TRIM39: variants seen among roughly 807,000 people sequenced by gnomAD.
TRIM39 encodes the protein E3 ubiquitin-protein ligase TRIM39.
Under a neutral mutation model 53.6 loss-of-function variants are expected in TRIM39, and 5 were observed. That is an observed-to-expected ratio of 0.09 (90% confidence interval 0.05 to 0.20). The LOEUF is 0.20. TRIM39 is among the 10% of genes least tolerant of loss of function. The pLI is 1.00. For missense variants in TRIM39, 310 were observed against 621.0 expected (o/e 0.50, Z 5.32); for synonymous variants, 196 against 237.6 (o/e 0.82, Z 1.61).
chr6:30,338,882 C>T lies in TRIM39; in HGVS notation c.781-1026C>T, dbSNP rs977447892. On this transcript the variant is annotated intron_variant, in intron 5 of 7. Coordinates refer to ENST00000396551, the Ensembl canonical transcript of TRIM39. This position sits in a 1 kb window ranked among gnomAD's most constrained non-coding sequence, Gnocchi z 4.0. ...GTGTTTGAAATATTTTGTTCTCTTA[C>T]GTAAATGAATGGTGTTAGCAAAACT... Among the ~76,000 whole-genome samples, 3 of 152,042 alleles carry T rather than the reference C, an allele frequency of 2.0e-5. No homozygotes were observed. The highest frequency in any genetic ancestry group is 6.6e-5 in the Admixed American group (1 of 15,264).
Position 30,330,417 on chromosome 6 carries a change from T to A in TRIM39, c.454-364T>A, listed in dbSNP as rs149848699. 9.4e-4 allele frequency among the ~76,000 whole-genome samples: 143 copies of A among 152,292 alleles called. 1 individual carries two copies. Among genetic ancestry groups the A allele is most frequent in the African/African-American group, 3.3e-3 (137 of 41,554 alleles). ...TTTATTGTAGGTGGACAGAGGTGGA[T>A]GGGAGGACAGGTTTAAAGAGAGATA... On this transcript the variant is annotated intron_variant, in intron 3 of 7. Coordinates refer to ENST00000396551, the Ensembl canonical transcript of TRIM39.
chr6:30,336,281 G>C, intron 5 of TRIM39: 1 of 634,648 alleles, frequency 1.6e-6, no homozygotes, highest in Non-Finnish European at 2.9e-6. Flanking sequence ...TAAAAATTTT[G>C]TAAATGCAGT....
chr6:30,341,581 G>C (rs1195413783), intron 7 of TRIM39, 131 bp from the exon 8 acceptor site: 2 of 1,385,918 alleles, frequency 1.4e-6, no homozygotes, highest in Non-Finnish European at 2.0e-6. Flanking sequence ...GATTGAGAAA[G>C]TTAACCAAAC....
intron 6 of TRIM39, chr6:30,340,272 G>T (rs1351321026): frequency 6.2e-7 from 1 of 1,612,452 alleles, no homozygotes; most frequent in Non-Finnish European, 8.5e-7. Context: ...TGAAATACAG[G>T]AATATTCCTA....
At position 30,339,942 on chromosome 6, in the gene TRIM39, T is replaced by C. The variant is rs750781918; in HGVS notation, c.803+12T>C. The C allele has an allele frequency of 1.2e-6, 2 of 1,614,172 alleles. No homozygotes were observed. The highest frequency in any genetic ancestry group is 1.1e-5 in the South Asian group (1 of 91,072). ...AGTACCCTGGAAAAGTAAGTGATTG[T>C]TGTATCTCTCTGAGTGAGTTAGGTC... On this transcript the variant is annotated intron_variant, in intron 6 of 7. Coordinates refer to ENST00000396551, the Ensembl canonical transcript of TRIM39. The surrounding 1 kb of genome is among the most constrained non-coding windows in gnomAD (Gnocchi z 4.2).
intron 4 of TRIM39, among the ~76,000 whole-genome samples, chr6:30,333,267 C>T (rs941299414): frequency 6.6e-6 from 1 of 151,040 alleles, no homozygotes; most frequent in African/African-American, 2.4e-5. Context: ...GAAAAATTCA[C>T]GTATAGTAAA....
chr6:30,332,563 A>T (rs968488494), intron 4 of TRIM39, among the ~76,000 whole-genome samples: 4 of 152,244 alleles, frequency 2.6e-5, no homozygotes, highest in African/African-American at 9.6e-5. Flanking sequence ...TTGAAATTTT[A>T]AAATTTGAAC....
chr6:30,342,875 C>T lies in TRIM39; in HGVS notation c.*616C>T, dbSNP rs1416014819. 6.5e-6 allele frequency: 1 copy of T among 152,774 alleles called. No individual in the cohort carries two copies. Among genetic ancestry groups the T allele is most frequent in the Non-Finnish European group, 1.5e-5 (1 of 68,566 alleles). 9.5% of individuals were successfully genotyped at this position (152,774 alleles called of 1,614,324 possible). On this transcript the variant is annotated 3_prime_UTR_variant, in exon 8 of 8. Transcript: ENST00000396551. This position sits in a 1 kb window ranked among gnomAD's most constrained non-coding sequence, Gnocchi z 4.7. ...GGGAGGTTTCTTTGGTCTTCTATTC[C>T]AAGGGTAAGGTTGCGATTATGGGTA...
chr6:30,335,904 C>T lies in TRIM39; in HGVS notation c.709C>T (p.Arg237Cys), dbSNP rs1325683197. 3.7e-6 allele frequency: 6 copies of T among 1,613,018 alleles called. No homozygotes were observed. The highest frequency in any genetic ancestry group is 4.2e-6 in the Non-Finnish European group (5 of 1,180,028). The change falls in exon 5 of 8, where the codon CGC becomes TGC. Residue 237 changes from arginine to cysteine, a missense_variant. Transcript: ENST00000396551. The surrounding 1 kb of genome is among the most constrained non-coding windows in gnomAD (Gnocchi z 4.7). Reference sequence around the variant, plus strand: ...AAATGCTGCTCACCTTGGGGACAAGCGCCGGGACCTGGCCCACTTGGCTGC... The same window carrying T: ...AAATGCTGCTCACCTTGGGGACAAGTGCCGGGACCTGGCCCACTTGGCTGC...
chr6:30,334,966 C>G (rs1267345599), intron 4 of TRIM39, among the ~76,000 whole-genome samples: 2 of 152,090 alleles, frequency 1.3e-5, no homozygotes, highest in Non-Finnish European at 2.9e-5. Context: ...TCAAGTGATC[C>G]TCTCACCTGG....
chr6:30,329,191 C>T, intron 2 of TRIM39, 120 bp from the exon 3 acceptor site: 1 of 1,169,490 alleles, frequency 8.6e-7, no homozygotes, highest in Non-Finnish European at 1.2e-6. Context: ...CAAGAAGGGG[C>T]AAATCTGGAG....
chr6:30,331,426 A>G (rs1786161224), intron 4 of TRIM39, among the ~76,000 whole-genome samples: 1 of 152,250 alleles, frequency 6.6e-6, no homozygotes, highest in Non-Finnish European at 1.5e-5. Flanking sequence ...AACAGACAGA[A>G]TATCTTACAT....
rs980192171 is a variant in TRIM39, at chr6:30,336,060, A to G, written c.780+85A>G. The stretch of plus-strand genomic sequence containing the variant: ...TGGGATTTGTCAGCCTGGGATACTC[A>G]TTCTTCTGCTCTCCTTCTCTAAATC... On this transcript the variant is annotated intron_variant, in intron 5 of 7. Transcript: ENST00000396551. 60 of 1,550,554 alleles carry G rather than the reference A, an allele frequency of 3.9e-5. No homozygotes were observed. The Admixed American group carries it at 5.2e-4, about 14-fold the overall frequency.
chr6:30,329,910 G>A, intron 3 of TRIM39, 140 bp downstream of exon 3: 2 of 1,277,326 alleles, frequency 1.6e-6, no homozygotes, highest in Non-Finnish European at 2.1e-6. Context: ...CACACAGTAT[G>A]TGTGATCAGT....
chr6:30,330,880 A>G lies in TRIM39; in HGVS notation c.549+4A>G, dbSNP rs752915740. On this transcript the variant is annotated splice_donor_region_variant and intron_variant, in intron 4 of 7. Transcript: ENST00000396551. ...GAAGAAGCCTGGTGAGCTCAAGGTA[A>G]AGGCAGGCAATCCCATGTAGGCTGC... 6.2e-7 allele frequency: 1 copy of G among 1,613,960 alleles called. No homozygotes were observed. The highest frequency in any genetic ancestry group is 8.5e-7 in the Non-Finnish European group (1 of 1,179,956).
chr6:30,331,503 C>A (rs1425704663), intron 4 of TRIM39, among the ~76,000 whole-genome samples: 2 of 152,132 alleles, frequency 1.3e-5, no homozygotes, highest in Non-Finnish European at 2.9e-5. Flanking sequence ...AGGAGGCTTT[C>A]TGCTGAGAAG....
At chr6:30,337,497 C>A (rs553716851) in intron 5 of TRIM39, among the ~76,000 whole-genome samples, 1 of 152,098 alleles carries the variant, frequency 6.6e-6, no homozygotes, top group African/African-American at 2.4e-5. Context: ...CTGCTTAAGG[C>A]CAGGAATTCA....
chr6:30,343,078 T>G (rs1488636784), exon 8 of TRIM39: 1 of 152,700 alleles, frequency 6.5e-6, no homozygotes, highest in Admixed American at 6.5e-5. Context: ...AAGACACATC[T>G]ATCCTTTCAC....
intron 4 of TRIM39, among the ~76,000 whole-genome samples, chr6:30,332,965 A>G (rs1786367580): frequency 6.6e-6 from 1 of 152,254 alleles, no homozygotes; most frequent in East Asian, 1.9e-4. Flanking sequence ...TAAAGAGTCT[A>G]TCATGTCCAA....
Sources: gnomAD v4.1 joint callset for allele counts (sites outside exome capture counted in the v4.1 genomes callset) on GRCh38, gnomAD v4.1.1 for gene constraint, Gnocchi (gnomAD v3.1) non-coding constraint, MANE v1.5 for transcripts, NCBI Gene and HGNC (gene_info 2026-07-23, HGNC 2026-07-21) for gene names.